Variants in NF1 observed in about 807,000 individuals in gnomAD.
NF1 encodes the protein neurofibromin 1.
In NF1, 122 loss-of-function variants were observed where a neutral mutation model predicts 325.7. The ratio of observed to expected loss-of-function variants is 0.37; its 90% CI spans 0.32 to 0.44. The LOEUF (loss-of-function observed/expected upper bound fraction) is 0.44, where lower values mean the gene tolerates loss of function less well. Among genes scored for constraint, NF1 ranks in the 20% least tolerant of loss-of-function variants. The probability of loss-of-function intolerance (pLI) is 1.00; values close to 1 mark genes in which losing one functional copy is unlikely to be tolerated. For missense variants in NF1, 2,140 were observed against 3,415.4 expected (o/e 0.63, Z 9.31); for synonymous variants, 1,091 against 1,186.0 (o/e 0.92, Z 1.65).
Position 31,156,461 on chromosome 17 carries a change from C to T in NF1, c.204+335C>T, listed in dbSNP as rs183237212. Among the ~76,000 whole-genome samples, 86 of 152,272 alleles carry T rather than the reference C, an allele frequency of 5.6e-4. 1 individual carries two copies. The South Asian group carries it at 0.016, about 29-fold the overall frequency. The stretch of plus-strand genomic sequence containing the variant: ...TTTCATAGAGCTTTTGTGGCCTACA[C>T]GAATTGACCACAGTAATCCATTACA... On this transcript the variant is annotated intron_variant, in intron 2 of 57. Coordinates refer to ENST00000358273, the MANE Select transcript of NF1 (RefSeq NM_001042492.3).
chr17:31,358,926 A>G, intron 55 of NF1, 43 bp from the exon 56 acceptor site: 3 of 1,546,230 alleles, frequency 1.9e-6, no homozygotes, highest in Non-Finnish European at 2.7e-6. Flanking sequence ...TACAATTAAA[A>G]GATACCTTGC....
At chr17:31,150,008 CATT>C (rs1916819573) in intron 1 of NF1, among the ~76,000 whole-genome samples, 1 of 152,192 alleles carries the variant, frequency 6.6e-6, no homozygotes, top group Non-Finnish European at 1.5e-5. Flanking sequence ...ATCTGTCTCT[CATT>C]GTATGTTACT....
chr17:31,361,301 A>G (rs1489995883), intron 57 of NF1: 1 of 152,738 alleles, frequency 6.5e-6, no homozygotes, highest in Non-Finnish European at 1.5e-5. Context: ...TTAGATTTGA[A>G]TACACTGAGA....
rs876659956 is a variant in NF1, at chr17:31,326,199, G to A, written c.5215G>A (p.Val1739Ile). 1.9e-6 allele frequency: 3 copies of A among 1,613,116 alleles called. No homozygotes were observed. The highest frequency in any genetic ancestry group is 2.5e-6 in the Non-Finnish European group (3 of 1,179,940). The change falls in exon 37 of 58, where the codon GTA becomes ATA. Residue 1739 changes from valine (V) to isoleucine (I), a missense_variant. Coordinates refer to ENST00000358273, the MANE Select transcript of NF1 (RefSeq NM_001042492.3). The stretch of plus-strand genomic sequence containing the variant: ...CTTGGCTTTAGAAGAGGACCTGAAG[G>A]TATTCCACAATGCTCTCAAGCTAGC... ...ATLALEEDLKVFHNALKLAHK... is the reference protein window; with the variant it reads ...ATLALEEDLKIFHNALKLAHK...
intron 8 of NF1, among the ~76,000 whole-genome samples, chr17:31,189,001 GAGAACCCTGACTAAT>G (rs1444660555): frequency 1.5e-4 from 23 of 152,152 alleles, no homozygotes; most frequent in African/African-American, 5.3e-4. Flanking sequence ...TGTCCCTCTA[GAGAACCCTGACTAAT>G]ACAGTAGGGT....
At chr17:31,337,986 C>T (rs1439398209) in intron 44 of NF1, 39 bp from the exon 45 acceptor site, 1 of 1,562,812 alleles carries the variant, frequency 6.4e-7, no homozygotes, top group South Asian at 1.1e-5. Flanking sequence ...TATATAAACA[C>T]AAAGGTTTTT....
rs549680011 is a variant in NF1, at chr17:31,222,456, C to T, written c.1721+527C>T. ...TTTTAATGAGCATGAAGTCACCACA[C>T]GGAGGAAAATGTAAATGTGTAAACC... On this transcript the variant is annotated intron_variant, in intron 15 of 57. Transcript: ENST00000358273. 331 of 1,031,304 alleles carry T rather than the reference C, an allele frequency of 3.2e-4. 3 individuals are homozygous for T. The highest frequency in any genetic ancestry group is 2.7e-3 in the South Asian group (58 of 21,690). 63.9% of individuals were successfully genotyped at this position (1,031,304 alleles called of 1,614,324 possible).
At chr17:31,354,850 GGTTTCTGAA>G (rs1567626090) in intron 51 of NF1, among the ~76,000 whole-genome samples, 1 of 152,170 alleles carries the variant, frequency 6.6e-6, no homozygotes, top group Non-Finnish European at 1.5e-5. Flanking sequence ...GTTTGGAATA[GGTTTCTGAA>G]GTACAATGGA....
At chr17:31,180,376 C>T (rs1027865977) in intron 5 of NF1, among the ~76,000 whole-genome samples, 1 of 152,198 alleles carries the variant, frequency 6.6e-6, no homozygotes, top group Non-Finnish European at 1.5e-5. Flanking sequence ...CCAACAAGCA[C>T]ATCAAAAAGC....
At chr17:31,168,385 TATC>T (rs1278272370) in intron 4 of NF1, among the ~76,000 whole-genome samples, 2 of 152,206 alleles carry the variant, frequency 1.3e-5, no homozygotes, top group Non-Finnish European at 2.9e-5. Context: ...AATTCCTTAA[TATC>T]ATGCATTGCC....
intron 31 of NF1, among the ~76,000 whole-genome samples, chr17:31,257,920 G>A (rs774631488): frequency 6.6e-6 from 1 of 152,006 alleles, no homozygotes; most frequent in Non-Finnish European, 1.5e-5. Flanking sequence ...AGGATGTTTT[G>A]GGGGTGTGCT....
At chr17:31,300,308 C>T (rs185109867) in intron 36 of NF1, among the ~76,000 whole-genome samples, 3 of 151,836 alleles carry the variant, frequency 2.0e-5, no homozygotes, top group Admixed American at 1.3e-4. Flanking sequence ...ATTAGTTTTT[C>T]GTTGTATCAT....
intron 1 of NF1, among the ~76,000 whole-genome samples, chr17:31,144,785 G>A (rs1005206628): frequency 2.0e-5 from 3 of 152,146 alleles, no homozygotes; most frequent in African/African-American, 7.2e-5. Flanking sequence ...ACTACACAGT[G>A]TGCCTTTAAG....
In NF1 at chr17:31,181,801, A is replaced by ATTTTTTTTTTTTTTTTTTTTTTTT; in HGVS notation, c.730+32_730+33insTTTTTTTTTTTTTTTTTTTTTTTT. The ATTTTTTTTTTTTTTTTTTTTTTTT allele has an allele frequency of 3.3e-6, 4 of 1,218,592 alleles. No individual in the cohort carries two copies. The highest frequency in any genetic ancestry group is 3.5e-6 in the Non-Finnish European group (3 of 853,106). 75.5% of individuals were successfully genotyped at this position (1,218,592 alleles called of 1,614,324 possible). The stretch of plus-strand genomic sequence containing the variant: ...GATATGGCTGGTAAGGATACGATTG[A>ATTTTTTTTTTTTTTTTTTTTTTTT]TTTTTTTTTTTTTTTTGTCTTTTAA... On this transcript the variant is annotated intron_variant, in intron 7 of 57. Transcript: ENST00000358273.
At chr17:31,129,454 A>ATT (rs59199139) in intron 1 of NF1, among the ~76,000 whole-genome samples, 11 of 126,434 alleles carry the variant, frequency 8.7e-5, no homozygotes, top group Admixed American at 1.6e-4. Flanking sequence ...GCATTATGAA[A>ATT]TTTTTTTTTT....
In NF1 at chr17:31,262,872, T is replaced by C. The variant is rs138919747; in HGVS notation, c.4724+1015T>C. 4.7e-3 allele frequency among the ~76,000 whole-genome samples: 711 copies of C among 152,298 alleles called. 6 individuals are homozygous for C. Among genetic ancestry groups the C allele is most frequent in the African/African-American group, 0.016 (665 of 41,558 alleles). ...ATTCACATTACCTAATTGAAAATTA[T>C]ATACTACAAAAATATAATACTATTT... is the stretch of plus-strand genomic sequence containing the variant. On this transcript the variant is annotated intron_variant, in intron 35 of 57. Coordinates refer to ENST00000358273, the MANE Select transcript of NF1 (RefSeq NM_001042492.3).
chr17:31,308,947 A>G (rs2151514415), intron 36 of NF1, among the ~76,000 whole-genome samples: 1 of 152,358 alleles, frequency 6.6e-6, no homozygotes, highest in South Asian at 2.1e-4. Flanking sequence ...TGAAGAAGGC[A>G]GAAAGGAGAA....
chr17:31,334,817 T>C (rs1250498841), intron 39 of NF1, 21 bp from the exon 40 acceptor site: 2 of 1,578,242 alleles, frequency 1.3e-6, no homozygotes, highest in African/African-American at 2.7e-5. Flanking sequence ...CATCACATGC[T>C]AATAGTGTAT....
At chr17:31,182,111 T>C (rs1385118730) in intron 7 of NF1, among the ~76,000 whole-genome samples, 1 of 152,174 alleles carries the variant, frequency 6.6e-6, no homozygotes, top group East Asian at 1.9e-4. Flanking sequence ...GTGTATAAAG[T>C]AGTAATATTC....
Sources: gnomAD v4.1 joint callset for allele counts (sites outside exome capture counted in the v4.1 genomes callset) on GRCh38, gnomAD v4.1.1 for gene constraint, MANE v1.5 for transcripts, NCBI Gene and HGNC (gene_info 2026-07-23, HGNC 2026-07-21) for gene names.